Variants in RNF166 observed in about 807,000 individuals in gnomAD.
The protein encoded by RNF166 is ring finger protein 166, also known as E3 ubiquitin-protein ligase RNF166.
In RNF166, 19 loss-of-function variants were observed where a neutral mutation model predicts 29.4. That is an observed-to-expected ratio of 0.65 (90% CI 0.45 to 0.95). RNF166 has a LOEUF of 0.95. RNF166 is among the 40% of genes least tolerant of loss of function. The probability of loss-of-function intolerance (pLI) is 0.00; values close to 1 mark genes in which losing one functional copy is unlikely to be tolerated. For missense variants in RNF166, 347 were observed against 322.1 expected, an observed-to-expected ratio of 1.08 and a Z score of -0.59; for synonymous variants, 171 against 134.5, an observed-to-expected ratio of 1.27 and a Z score of -1.88.
Position 88,703,972 on chromosome 16 carries a change from T to TTCTGGTTACAGAGGTGGCTC in RNF166, c.155+2179_155+2198dup. 4.1e-6 allele frequency: 4 copies of TTCTGGTTACAGAGGTGGCTC among 985,478 alleles called. No homozygotes were observed. In the South Asian group the frequency reaches 1.9e-4, roughly 46 times the overall value. 61.0% of individuals were successfully genotyped at this position (985,478 alleles called of 1,614,324 possible). A position where few individuals can be genotyped will look rare whatever the true frequency, so the allele number is the denominator to read the frequency against. On this transcript the variant is annotated intron_variant, in intron 1 of 5. Transcript: ENST00000312838. ...ATCACGCGTGTCCTGGCCCACAGGC[T>TTCTGGTTACAGAGGTGGCTC]TCTGGTTACAGAGGTGGCTCACTGC... is the stretch of plus-strand genomic sequence containing the variant.
rs551439830 is a variant in RNF166, at chr16:88,697,446, G to A, written c.*122C>T. 4.9e-5 allele frequency: 34 copies of A among 697,606 alleles called. 1 individual carries two copies. The Middle Eastern group carries it at 1.3e-3, about 26-fold the overall frequency. The allele number at this position is 697,606 out of a possible 1,614,324, so 43.2% of individuals were successfully genotyped here. A position where few individuals can be genotyped will look rare whatever the true frequency, so the allele number is the denominator to read the frequency against. ...GGCTCGGCCCCGGCTCCCCTTCTGC[G>A]CGGGTGCAGGCTCCTCCTGTGAGCT... On this transcript the variant is annotated 3_prime_UTR_variant, in exon 6 of 6. Transcript: ENST00000312838.
chr16:88,706,019 G>C (rs1389788561), intron 1 of RNF166, 152 bp downstream of exon 1: 1 of 334,656 alleles, frequency 3.0e-6, no homozygotes, highest in Non-Finnish European at 4.3e-6. Flanking sequence ...GCGCGGCACA[G>C]GGAAACCCGG....
chr16:88,696,726 C>T lies in RNF166; in HGVS notation c.*842G>A, dbSNP rs1375170039. On this transcript the variant is annotated 3_prime_UTR_variant, in exon 6 of 6. Transcript: ENST00000312838. The stretch of plus-strand genomic sequence containing the variant: ...GCCAGGACTCTGGGTGGAGGAGGCC[C>T]CTTCTCTGCCGGCCCCGCCTCTGCT... The T allele has an allele frequency of 5.0e-6, 2 of 402,262 alleles. No individual in the cohort carries two copies. Among genetic ancestry groups the T allele is most frequent in the Non-Finnish European group, 9.7e-6 (2 of 205,916 alleles). The allele number at this position is 402,262 out of a possible 1,614,324, so 24.9% of individuals were successfully genotyped here. A position where few individuals can be genotyped will look rare whatever the true frequency, so the allele number is the denominator to read the frequency against.
chr16:88,699,087 T>TGGCGG lies in RNF166; in HGVS notation c.426-7_426-3dup. ...AAGGTGGACCTGTTGGGGATGTTGC[T>TGGCGG]GGCGGGGCGGGGGTAGAGTGAGTGG... On this transcript the variant is annotated splice_polypyrimidine_tract_variant and splice_region_variant and intron_variant, in intron 3 of 5. Transcript: ENST00000312838. The TGGCGG allele has an allele frequency of 1.9e-6, 3 of 1,598,232 alleles. No homozygotes were observed. Among genetic ancestry groups the TGGCGG allele is most frequent in the Non-Finnish European group, 1.7e-6 (2 of 1,171,168 alleles).
In RNF166 at chr16:88,699,704, A is replaced by C. The variant is rs753367147; in HGVS notation, c.341T>G (p.Ile114Ser). The stretch of plus-strand genomic sequence containing the variant: ...CTCCTGGACCTTCAGGCAGGACGAA[A>C]TGTGCACTCTCATCTTTGCCAGGGT... ...KVTLAKMRVHISSCLKVQEQM... is the reference protein window; with the variant it reads ...KVTLAKMRVHSSSCLKVQEQM... The change falls in exon 3 of 6, where the codon ATT (isoleucine) becomes AGT (serine). Residue 114 changes from isoleucine to serine, a missense_variant. Coordinates refer to ENST00000312838, the MANE Select transcript of RNF166 (RefSeq NM_178841.4). The C allele has an allele frequency of 1.2e-6, 2 of 1,613,278 alleles. No homozygotes were observed. The highest frequency in any genetic ancestry group is 3.3e-5 in the Admixed American group (2 of 59,998).
chr16:88,696,548 C>T lies in RNF166; in HGVS notation c.*1020G>A. ...ACTTTTTTTTTTAAAAAAAAGACAG[C>T]AATAATTAATGCCAAGAACAGAAAA... On this transcript the variant is annotated 3_prime_UTR_variant, in exon 6 of 6. Coordinates refer to ENST00000312838, the MANE Select transcript of RNF166 (RefSeq NM_178841.4). 1 of 439,896 alleles carries T rather than the reference C, an allele frequency of 2.3e-6. No homozygotes were observed. Among genetic ancestry groups the T allele is most frequent in the Non-Finnish European group, 4.5e-6 (1 of 222,922 alleles). 27.2% of individuals were successfully genotyped at this position (439,896 alleles called of 1,614,324 possible).
chr16:88,696,619 G>A lies in RNF166; in HGVS notation c.*949C>T, dbSNP rs1399020781. 2.2e-6 allele frequency: 1 copy of A among 453,748 alleles called. No individual in the cohort carries two copies. The highest frequency in any genetic ancestry group is 1.6e-5 in the South Asian group (1 of 64,122). The allele number at this position is 453,748 out of a possible 1,614,324, so 28.1% of individuals were successfully genotyped here. Reference sequence around the variant, plus strand: ...GCCCGCCAAGCGGGCCCCTGCCCAGGCCCCCAAGCTCTGCCACCACTGGGG... The same window carrying A: ...GCCCGCCAAGCGGGCCCCTGCCCAGACCCCCAAGCTCTGCCACCACTGGGG... On this transcript the variant is annotated 3_prime_UTR_variant, in exon 6 of 6. Coordinates refer to ENST00000312838, the MANE Select transcript of RNF166 (RefSeq NM_178841.4).
At position 88,705,229 on chromosome 16, in the gene RNF166, G is replaced by T. The variant is rs963904365; in HGVS notation, c.155+942C>A. Among the ~76,000 whole-genome samples, 7 of 152,180 alleles carry T rather than the reference G, an allele frequency of 4.6e-5. No individual in the cohort carries two copies. In the South Asian group the frequency reaches 1.4e-3, roughly 31 times the overall value. On this transcript the variant is annotated intron_variant, in intron 1 of 5. Coordinates refer to ENST00000312838, the MANE Select transcript of RNF166 (RefSeq NM_178841.4). Reference sequence around the variant, plus strand: ...CCACCTAGCAGTCCCAGCTCCCTCTGTACCAGGAGCCCCTGAAGTCAGCTG... The same window carrying T: ...CCACCTAGCAGTCCCAGCTCCCTCTTTACCAGGAGCCCCTGAAGTCAGCTG...
rs901833225 is a variant in RNF166, at chr16:88,697,160, G to A, written c.*408C>T. 13 of 175,698 alleles carry A rather than the reference G, an allele frequency of 7.4e-5. No individual in the cohort carries two copies. The highest frequency in any genetic ancestry group is 4.2e-4 in the Admixed American group (7 of 16,756). 10.9% of individuals were successfully genotyped at this position (175,698 alleles called of 1,614,324 possible). On this transcript the variant is annotated 3_prime_UTR_variant, in exon 6 of 6. Coordinates refer to ENST00000312838, the MANE Select transcript of RNF166 (RefSeq NM_178841.4). ...AAATGCGCAAGGTGGAAGTGGGGCC[G>A]GGGCAGGGTCGGGCTGGGCAGGGCA...
chr16:88,699,222 C>T lies in RNF166; in HGVS notation c.426-137G>A, dbSNP rs550317894. On this transcript the variant is annotated intron_variant, in intron 3 of 5. Transcript: ENST00000312838. ...AGCGTGGCAGTGGCTGGGTGCCCCC[C>T]GTGCCTCTGCACGCCATGGCCTCCT... is the stretch of plus-strand genomic sequence containing the variant. The T allele has an allele frequency of 4.0e-4, 278 of 696,922 alleles. 5 individuals are homozygous for T. Among genetic ancestry groups the T allele is most frequent in the South Asian group, 2.5e-3 (150 of 60,120 alleles). The allele number at this position is 696,922 out of a possible 1,614,324, so 43.2% of individuals were successfully genotyped here.
chr16:88,703,943 C>T (rs1164343785), intron 1 of RNF166: 33 of 985,366 alleles, frequency 3.3e-5, no homozygotes, highest in South Asian at 4.7e-5. Flanking sequence ...CAGGCAGGTT[C>T]GTGATCACGC....
Position 88,706,354 on chromosome 16 carries a change from C to A in RNF166, c.-29G>T. 2.5e-6 allele frequency: 3 copies of A among 1,215,052 alleles called. No homozygotes were observed. The highest frequency in any genetic ancestry group is 3.1e-6 in the Non-Finnish European group (3 of 977,590). 75.3% of individuals were successfully genotyped at this position (1,215,052 alleles called of 1,614,324 possible). ...GGGGCCAGGCCCGCGCCGCCCGCCG[C>A]CCGCTGTCCTGGCCCGGGCCGGCCC... is the stretch of plus-strand genomic sequence containing the variant. On this transcript the variant is annotated 5_prime_UTR_variant, in exon 1 of 6. Coordinates refer to ENST00000312838, the MANE Select transcript of RNF166 (RefSeq NM_178841.4).
chr16:88,699,019 C>G lies in RNF166; in HGVS notation c.492G>C (p.Glu164Asp). ...YCGARNLDQQ[E>D]LVKHCVESHR... The stretch of plus-strand genomic sequence containing the variant: ...GGCTTTCCACACAGTGCTTCACCAG[C>G]TCCTGCTGGTCCAGGTTGCGGGCAC... Residue 164 changes from glutamate (E) to aspartate (D), a missense_variant, in exon 4 of 6, where the codon GAG becomes GAC. Transcript: ENST00000312838. 1 of 1,609,814 alleles carries G rather than the reference C, an allele frequency of 6.2e-7. No individual in the cohort carries two copies.
In RNF166 at chr16:88,699,614, G is replaced by A; in HGVS notation, c.425+6C>T. ...GTTCCTCTCCCTTGCCCGGCAGCGT[G>A]CCTACCTGGGGATAGGCTGTGATGT... On this transcript the variant is annotated splice_donor_region_variant and intron_variant, in intron 3 of 5. Transcript: ENST00000312838. 6.2e-7 allele frequency: 1 copy of A among 1,606,982 alleles called. No individual in the cohort carries two copies. The highest frequency in any genetic ancestry group is 8.5e-7 in the Non-Finnish European group (1 of 1,174,708).
Position 88,706,231 on chromosome 16 carries a change from G to A in RNF166, c.95C>T (p.Thr32Ile). ...ATAGACCTCCAGGCAGATGGGGCAG[G>A]TGTACTGCGCCTCCAGGCCGCTGTC... is the stretch of plus-strand genomic sequence containing the variant. ...GGDSGLEAQY[T>I]CPICLEVYHR... is the part of the protein sequence containing the mutation. The change falls in exon 1 of 6, where the codon ACC becomes ATC. Residue 32 changes from threonine to isoleucine, a missense_variant. By Grantham distance (89) the Thr-to-Ile change is moderately conservative. Coordinates refer to ENST00000312838, the MANE Select transcript of RNF166 (RefSeq NM_178841.4). 1 of 1,321,992 alleles carries A rather than the reference G, an allele frequency of 7.6e-7. No individual in the cohort carries two copies. The highest frequency in any genetic ancestry group is 1.6e-5 in the African/African-American group (1 of 64,276). The allele number at this position is 1,321,992 out of a possible 1,614,324, so 81.9% of individuals were successfully genotyped here.
Position 88,697,171 on chromosome 16 carries a change from G to A in RNF166, c.*397C>T, listed in dbSNP as rs1329772641. The A allele has an allele frequency of 1.1e-5, 2 of 179,284 alleles. No individual in the cohort carries two copies. Among genetic ancestry groups the A allele is most frequent in the South Asian group, 1.3e-4 (1 of 7,934 alleles). The allele number at this position is 179,284 out of a possible 1,614,324, so 11.1% of individuals were successfully genotyped here. On this transcript the variant is annotated 3_prime_UTR_variant, in exon 6 of 6. Coordinates refer to ENST00000312838, the MANE Select transcript of RNF166 (RefSeq NM_178841.4). Reference sequence around the variant, plus strand: ...GTGGAAGTGGGGCCGGGGCAGGGTCGGGCTGGGCAGGGCAGCAGCCTGGGT... The same window carrying A: ...GTGGAAGTGGGGCCGGGGCAGGGTCAGGCTGGGCAGGGCAGCAGCCTGGGT...
intron 1 of RNF166, chr16:88,703,602 G>A (rs753286): frequency 0.22 from 220,237 of 985,078 alleles, 26,393 homozygotes; most frequent in East Asian, 0.69. Flanking sequence ...TGTTCAGAGA[G>A]CCAGCAGCCG....
intron 1 of RNF166, 95 bp from the exon 2 acceptor site, chr16:88,701,513 G>C (rs1385716005): frequency 8.3e-7 from 1 of 1,198,606 alleles, no homozygotes; most frequent in Non-Finnish European, 1.1e-6. Flanking sequence ...AGCATTTGTG[G>C]GGTCCACAGG....
chr16:88,697,979 C>T (rs1176136285), intron 5 of RNF166: 2 of 472,158 alleles, frequency 4.2e-6, no homozygotes, highest in Non-Finnish European at 3.8e-6. Flanking sequence ...GGGTCCCGGA[C>T]GACTGGCAGA....
Sources: gnomAD v4.1 joint callset for allele counts (sites outside exome capture counted in the v4.1 genomes callset) on GRCh38, gnomAD v4.1.1 for gene constraint, MANE v1.5 for transcripts, NCBI Gene and HGNC (gene_info 2026-07-23, HGNC 2026-07-21) for gene names.